Variants in VGLL4 observed in about 807,000 individuals in gnomAD.
VGLL4 encodes vestigial like family member 4, also known as transcription cofactor vestigial-like protein 4.
Under a neutral mutation model 21.0 loss-of-function variants are expected in VGLL4, and 7 were observed. The observed-to-expected ratio is 0.33, with a 90% CI of 0.19 to 0.63. The LOEUF (loss-of-function observed/expected upper bound fraction) is 0.63. Among genes scored for constraint, VGLL4 ranks in the 20% least tolerant of loss-of-function variants. The pLI is 0.78. For synonymous variants in VGLL4, 222 were observed against 173.2 expected (o/e 1.28, Z -2.21); for missense variants, 394 against 425.7 (o/e 0.93, Z 0.66).
At chr3:11,683,490 T>C (rs1349575718) in intron 2 of VGLL4, among the ~76,000 whole-genome samples, 1 of 152,206 alleles carries the variant, frequency 6.6e-6, no homozygotes, top group East Asian at 1.9e-4. Flanking sequence ...TGTGTACATT[T>C]GTTGCAACAC....
At chr3:11,609,211 A>G (rs764102806) in intron 1 of VGLL4, among the ~76,000 whole-genome samples, 15 of 152,136 alleles carry the variant, frequency 9.9e-5, no homozygotes, top group Non-Finnish European at 1.5e-4. Flanking sequence ...GTTTGATTAG[A>G]TCATCTTGAC....
Position 11,564,944 on chromosome 3 carries a change from G to A in VGLL4, c.348C>T (p.Ala116=). The change falls in exon 3 of 5, where the codon GCC becomes GCT. Residue 116 remains alanine, a synonymous_variant. Coordinates refer to ENST00000430365, the MANE Select transcript of VGLL4 (RefSeq NM_001128219.3). ...RSRSPIERAV[A]PTMSLHGSHL... is the part of the protein sequence containing the mutation. ...GGCTGCCGTGCAGGCTCATGGTGGG[G>A]GCCACAGCGCGCTCGATGGGGCTGC... 6.3e-7 allele frequency: 1 copy of A among 1,579,336 alleles called. No homozygotes were observed. Among genetic ancestry groups the A allele is most frequent in the Non-Finnish European group, 8.6e-7 (1 of 1,163,068 alleles).
intron 2 of VGLL4, among the ~76,000 whole-genome samples, chr3:11,665,393 C>G (rs1032769671): frequency 2.6e-5 from 4 of 151,912 alleles, no homozygotes; most frequent in Non-Finnish European, 5.9e-5. Flanking sequence ...GATTACAGGC[C>G]TGAGCCACCG....
chr3:11,610,078 G>A (rs1451140271), intron 1 of VGLL4, among the ~76,000 whole-genome samples: 3 of 152,122 alleles, frequency 2.0e-5, no homozygotes, highest in South Asian at 2.1e-4. Flanking sequence ...AGCCAGCCGC[G>A]CTGCACTGAT....
At chr3:11,663,229 T>C (rs1326440358) in intron 2 of VGLL4, among the ~76,000 whole-genome samples, 1 of 152,094 alleles carries the variant, frequency 6.6e-6, no homozygotes, top group Non-Finnish European at 1.5e-5. Context: ...GACTCTACAG[T>C]GATGGACACT....
chr3:11,674,451 T>C (rs1206866522), intron 2 of VGLL4, among the ~76,000 whole-genome samples: 1 of 152,198 alleles, frequency 6.6e-6, no homozygotes, highest in Admixed American at 6.5e-5. Context: ...GCATCTCATT[T>C]AAATTCTACA....
intron 2 of VGLL4, among the ~76,000 whole-genome samples, chr3:11,680,570 A>G (rs1189857588): frequency 6.6e-6 from 1 of 152,174 alleles, no homozygotes. Context: ...AGACAGCGGG[A>G]GGACATCGCA....
intron 2 of VGLL4, among the ~76,000 whole-genome samples, chr3:11,599,536 T>C (rs1487144347): frequency 3.0e-5 from 1 of 32,798 alleles, no homozygotes; most frequent in African/African-American, 1.3e-4. Flanking sequence ...TTTTTTTTTT[T>C]TGAGACAGAG....
chr3:11,703,016 C>T, exon 2 of VGLL4: 1 of 1,612,918 alleles, frequency 6.2e-7, no homozygotes, highest in Non-Finnish European at 8.5e-7. Context: ...CTGGACAAAA[C>T]ATCCAATGGC....
chr3:11,570,080 C>T (rs927037508), intron 2 of VGLL4, among the ~76,000 whole-genome samples: 1 of 152,074 alleles, frequency 6.6e-6, no homozygotes, highest in Non-Finnish European at 1.5e-5. Context: ...CCTGCTGCCC[C>T]CTGGGGTTTC....
intron 1 of VGLL4, among the ~76,000 whole-genome samples, chr3:11,709,185 C>G (rs1456318654): frequency 6.6e-6 from 1 of 151,986 alleles, no homozygotes; most frequent in Admixed American, 6.6e-5. Context: ...TGCCTGTAAT[C>G]CCAGTACTTT....
At chr3:11,615,169 C>G (rs2075138378) in intron 1 of VGLL4, among the ~76,000 whole-genome samples, 1 of 152,194 alleles carries the variant, frequency 6.6e-6, no homozygotes, top group South Asian at 2.1e-4. Flanking sequence ...TTGTCATTAT[C>G]TAATATCCAG....
intron 2 of VGLL4, among the ~76,000 whole-genome samples, chr3:11,686,220 A>G (rs2076446581): frequency 1.3e-5 from 2 of 152,210 alleles, no homozygotes; most frequent in Admixed American, 6.5e-5. Context: ...CAGAAAAAAT[A>G]TTTGCACACT....
chr3:11,633,933 A>G (rs2075536666), intron 1 of VGLL4, among the ~76,000 whole-genome samples: 1 of 152,160 alleles, frequency 6.6e-6, no homozygotes, highest in Non-Finnish European at 1.5e-5. Flanking sequence ...AGAAGATGAG[A>G]TTAGAGGCAG....
intron 2 of VGLL4, among the ~76,000 whole-genome samples, chr3:11,682,796 A>C (rs1457801501): frequency 6.6e-6 from 1 of 152,108 alleles, no homozygotes; most frequent in Non-Finnish European, 1.5e-5. Flanking sequence ...GGAATCTTGC[A>C]AAGGGAACCC....
chr3:11,708,334 T>C (rs2076790615), intron 1 of VGLL4, among the ~76,000 whole-genome samples: 1 of 152,176 alleles, frequency 6.6e-6, no homozygotes, highest in African/African-American at 2.4e-5. Flanking sequence ...AAGAGAAGAA[T>C]GGAAGTTGAG....
In VGLL4 at chr3:11,595,177, CAAACA is replaced by C. The variant is rs549678349; in HGVS notation, c.272+6651_272+6655del. Reference sequence around the variant, plus strand: ...ACTCCATCTCAAACAAACAAACAAACAAACAAAATAAGAAAACACCAAGGCTGAAG... The same window carrying C: ...ACTCCATCTCAAACAAACAAACAAACAAATAAGAAAACACCAAGGCTGAAG... On this transcript the variant is annotated intron_variant, in intron 2 of 4. Transcript: ENST00000430365. 5.9e-5 allele frequency among the ~76,000 whole-genome samples: 7 copies of C among 119,080 alleles called. No homozygotes were observed. The South Asian group carries it at 1.8e-3, about 31-fold the overall frequency. The allele number at this position is 119,080 out of a possible 152,430, so 78.1% of individuals were successfully genotyped here. A position where few individuals can be genotyped will look rare whatever the true frequency, so the allele number is the denominator to read the frequency against.
chr3:11,562,064 A>AT (rs1466125281), intron 3 of VGLL4, among the ~76,000 whole-genome samples: 6 of 151,814 alleles, frequency 4.0e-5, no homozygotes, highest in Non-Finnish European at 8.8e-5. Flanking sequence ...CGCCTGGCTA[A>AT]TTTTTGTACT....
chr3:11,670,117 C>CA (rs370254388), intron 2 of VGLL4, among the ~76,000 whole-genome samples: 8,075 of 131,732 alleles, frequency 0.061, 257 homozygotes, highest in Non-Finnish European at 0.079. Flanking sequence ...GTTTCTAAAA[C>CA]AAAAAAAAAA....
Sources: gnomAD v4.1 joint callset for allele counts (sites outside exome capture counted in the v4.1 genomes callset) on GRCh38, gnomAD v4.1.1 for gene constraint, MANE v1.5 for transcripts, NCBI Gene and HGNC (gene_info 2026-07-23, HGNC 2026-07-21) for gene names.